Variants in GPC5 observed in about 807,000 individuals in gnomAD.
GPC5 encodes the protein glypican-5.
Under a neutral mutation model 53.9 loss-of-function variants are expected in GPC5, and 47 were observed. That is an observed-to-expected ratio of 0.87 (90% CI 0.69 to 1.11). GPC5 has a LOEUF of 1.11. Ranked by LOEUF, GPC5 falls within the 50% of genes most tolerant of loss-of-function variation. The probability of loss-of-function intolerance (pLI) is 0.00; values close to 1 mark genes in which losing one functional copy is unlikely to be tolerated. For synonymous variants in GPC5, 286 were observed against 263.3 expected (o/e 1.09, Z -0.84); for missense variants, 748 against 713.1 (o/e 1.05, Z -0.56).
At chr13:92,237,205 G>T (rs1016362633) in intron 7 of GPC5, among the ~76,000 whole-genome samples, 26 of 152,006 alleles carry the variant, frequency 1.7e-4, no homozygotes, top group African/African-American at 5.8e-4. Flanking sequence ...AAAATAAAAG[G>T]TCTTGTGTTT....
intron 7 of GPC5, among the ~76,000 whole-genome samples, chr13:92,757,508 G>A (rs1044189881): frequency 2.6e-5 from 4 of 152,284 alleles, no homozygotes; most frequent in Non-Finnish European, 1.5e-5. Context: ...AAGAGCTTCT[G>A]TACAGCAAAA....
At chr13:91,417,828 G>A (rs1246024825) in intron 1 of GPC5, among the ~76,000 whole-genome samples, 1 of 152,074 alleles carries the variant, frequency 6.6e-6, no homozygotes, top group African/African-American at 2.4e-5. Context: ...AGAAACTCCT[G>A]GCTTTATTTA....
chr13:92,257,546 A>ATGTTTTTTTTTTTTTTTTTTT (rs2042735128), intron 7 of GPC5, among the ~76,000 whole-genome samples: 1 of 72,966 alleles, frequency 1.4e-5, no homozygotes. Context: ...TAATACAGGG[A>ATGTTTTTTTTTTTTTTTTTTT]TTTTTTTTTT....
intron 7 of GPC5, among the ~76,000 whole-genome samples, chr13:92,854,626 G>C (rs763711799): frequency 6.6e-6 from 1 of 151,888 alleles, no homozygotes; most frequent in Non-Finnish European, 1.5e-5. Flanking sequence ...TTTTCTCAAA[G>C]GGAATAGAGT....
chr13:92,582,790 A>G (rs1029288808), intron 7 of GPC5, among the ~76,000 whole-genome samples: 1 of 151,562 alleles, frequency 6.6e-6, no homozygotes, highest in African/African-American at 2.4e-5. Flanking sequence ...TTTTTTTCAG[A>G]TAGTTCATTG....
At chr13:92,102,818 A>C (rs1280789417) in intron 6 of GPC5, among the ~76,000 whole-genome samples, 1 of 152,216 alleles carries the variant, frequency 6.6e-6, no homozygotes, top group Non-Finnish European at 1.5e-5. Context: ...GGATAAAGCC[A>C]AGGCATCTTC....
At chr13:91,553,639 A>G (rs924193683) in intron 2 of GPC5, among the ~76,000 whole-genome samples, 8 of 152,112 alleles carry the variant, frequency 5.3e-5, no homozygotes, top group Admixed American at 1.3e-4. Context: ...ATCGTTTTAT[A>G]TGAGACTTGC....
chr13:91,665,393 T>C (rs1274532416), intron 2 of GPC5, among the ~76,000 whole-genome samples: 4 of 152,144 alleles, frequency 2.6e-5, no homozygotes, highest in African/African-American at 9.7e-5. Context: ...AATGTGAAAG[T>C]TTTTCTGTGC....
At chr13:92,767,411 C>A (rs1875445882) in intron 7 of GPC5, among the ~76,000 whole-genome samples, 1 of 152,084 alleles carries the variant, frequency 6.6e-6, no homozygotes, top group Non-Finnish European at 1.5e-5. Flanking sequence ...GCAGAGGTTG[C>A]AGTGAGCCGG....
chr13:91,728,347 G>A (rs919691624), intron 3 of GPC5, among the ~76,000 whole-genome samples, 185 bp from the exon 4 acceptor site: 28 of 151,834 alleles, frequency 1.8e-4, no homozygotes, highest in African/African-American at 3.6e-4. Context: ...CATAATTGCC[G>A]TATTCAGATA....
intron 6 of GPC5, among the ~76,000 whole-genome samples, chr13:91,946,203 C>CT (rs1177969729): frequency 3.9e-5 from 6 of 152,008 alleles, no homozygotes; most frequent in Non-Finnish European, 5.9e-5. Flanking sequence ...AATTTGGGGT[C>CT]TTTCTTTGTC....
chr13:92,021,857 A>G (rs2040761223), intron 6 of GPC5, among the ~76,000 whole-genome samples: 1 of 152,200 alleles, frequency 6.6e-6, no homozygotes, highest in African/African-American at 2.4e-5. Context: ...TTTTTAAGCT[A>G]CATCCACCAT....
intron 2 of GPC5, among the ~76,000 whole-genome samples, chr13:91,592,039 C>A (rs1406830792): frequency 6.6e-6 from 1 of 152,152 alleles, no homozygotes; most frequent in East Asian, 1.9e-4. Context: ...AGTTCTTGCA[C>A]TAATTGATTC....
intron 6 of GPC5, among the ~76,000 whole-genome samples, chr13:91,943,564 T>C (rs916256086): frequency 6.6e-6 from 1 of 152,200 alleles, no homozygotes; most frequent in African/African-American, 2.4e-5. Context: ...TGACATTTCA[T>C]CAATCAACTA....
At chr13:92,162,439 G>A (rs150760717) in intron 7 of GPC5, among the ~76,000 whole-genome samples, 12 of 152,300 alleles carry the variant, frequency 7.9e-5, no homozygotes, top group Non-Finnish European at 1.8e-4. Context: ...TTTGGGAAAA[G>A]CAGATCTTGT....
intron 2 of GPC5, among the ~76,000 whole-genome samples, chr13:91,452,277 C>A (rs1174535859): frequency 1.3e-5 from 2 of 152,072 alleles, no homozygotes; most frequent in Non-Finnish European, 2.9e-5. Flanking sequence ...AGCCACCATG[C>A]CTGGCCAAAA....
chr13:91,663,211 A>G (rs9523394), intron 2 of GPC5, among the ~76,000 whole-genome samples: 5 of 152,206 alleles, frequency 3.3e-5, no homozygotes, highest in Admixed American at 6.5e-5. Context: ...GTAAAGACCC[A>G]TATTTGGGGG....
intron 7 of GPC5, among the ~76,000 whole-genome samples, chr13:92,745,188 C>T (rs1484664827): frequency 2.6e-5 from 4 of 152,090 alleles, no homozygotes; most frequent in South Asian, 2.1e-4. Context: ...CAATTCAGAA[C>T]TTTGTTAGTT....
chr13:92,264,550 G>C (rs886916960), intron 7 of GPC5, among the ~76,000 whole-genome samples: 2 of 151,994 alleles, frequency 1.3e-5, no homozygotes, highest in African/African-American at 4.8e-5. Flanking sequence ...AGCTTTGCTT[G>C]TACGTTTTGT....
Sources: gnomAD v4.1 joint callset for allele counts (sites outside exome capture counted in the v4.1 genomes callset) on GRCh38, gnomAD v4.1.1 for gene constraint, MANE v1.5 for transcripts, NCBI Gene and HGNC (gene_info 2026-07-23, HGNC 2026-07-21) for gene names.